WDR7: variants seen among roughly 807,000 people sequenced by gnomAD.
WDR7 encodes WD repeat-containing protein 7.
WDR7 carries 46 observed loss-of-function variants against 169.4 expected under a neutral mutation model. The ratio of observed to expected loss-of-function variants is 0.27; its 90% CI spans 0.21 to 0.35. The LOEUF (loss-of-function observed/expected upper bound fraction) is 0.35, where lower values mean the gene tolerates loss of function less well. Among genes scored for constraint, WDR7 ranks in the 10% least tolerant of loss-of-function variants. The pLI is 1.00. For synonymous variants in WDR7, 612 were observed against 666.8 expected (o/e 0.92, Z 1.27); for missense variants, 1,534 against 1,859.3 (o/e 0.83, Z 3.22).
chr18:56,792,763 TTAACAC>T (rs2044512384), intron 19 of WDR7, among the ~76,000 whole-genome samples: 1 of 136,486 alleles, frequency 7.3e-6, no homozygotes, highest in South Asian at 2.3e-4. Flanking sequence ...ATTATTTTCT[TTAACAC>T]ACACACACAC....
In WDR7 at chr18:56,800,696, A is replaced by C. The variant is rs562976629; in HGVS notation, c.3191-15335A>C. 1.9e-3 allele frequency among the ~76,000 whole-genome samples: 293 copies of C among 152,322 alleles called. 3 individuals are homozygous for C. Among genetic ancestry groups the C allele is most frequent in the African/African-American group, 6.7e-3 (278 of 41,572 alleles). ...CTTTTATAATGCCGGTTCATTGCTC[A>C]GATTATCCTGGCATTGGCCATAGGG... On this transcript the variant is annotated intron_variant, in intron 19 of 27. Coordinates refer to ENST00000254442, the MANE Select transcript of WDR7 (RefSeq NM_015285.3).
chr18:56,828,781 G>A lies in WDR7; in HGVS notation c.3304+12637G>A, dbSNP rs937734451. Among the ~76,000 whole-genome samples the A allele has an allele frequency of 5.3e-5, 8 of 152,228 alleles. 1 individual carries two copies. The South Asian group carries it at 8.3e-4, about 16-fold the overall frequency. ...CAGCAAAATTCAACTAAATGTGAGA[G>A]TAGAATATAGACAGTTTTAGAAATG... On this transcript the variant is annotated intron_variant, in intron 20 of 27. Coordinates refer to ENST00000254442, the MANE Select transcript of WDR7 (RefSeq NM_015285.3).
chr18:57,015,496 A>G (rs570512893), intron 26 of WDR7, among the ~76,000 whole-genome samples: 3 of 152,160 alleles, frequency 2.0e-5, no homozygotes, highest in Non-Finnish European at 4.4e-5. Flanking sequence ...CTCTTTTGAA[A>G]TGGCTCTTTT....
intron 26 of WDR7, among the ~76,000 whole-genome samples, chr18:56,991,753 A>G (rs1296334540): frequency 6.6e-6 from 1 of 152,228 alleles, no homozygotes; most frequent in African/African-American, 2.4e-5. Flanking sequence ...AGCCCAAGAT[A>G]TTATTTAAAT....
intron 13 of WDR7, among the ~76,000 whole-genome samples, chr18:56,729,318 T>C (rs1281807624): frequency 6.6e-6 from 1 of 152,180 alleles, no homozygotes; most frequent in South Asian, 2.1e-4. Context: ...AAACATAATA[T>C]GATATACATT....
At chr18:56,870,900 G>C (rs1456919358) in intron 20 of WDR7, among the ~76,000 whole-genome samples, 2 of 152,116 alleles carry the variant, frequency 1.3e-5, no homozygotes, top group East Asian at 3.8e-4. Context: ...ATTTTGATTG[G>C]ACACATTTCA....
At chr18:56,805,158 C>T (rs1179783837) in intron 19 of WDR7, among the ~76,000 whole-genome samples, 1 of 152,138 alleles carries the variant, frequency 6.6e-6, no homozygotes, top group African/African-American at 2.4e-5. Context: ...GTTCCTTAAT[C>T]CAGTTAAATT....
At chr18:56,780,524 T>C (rs1424445407) in intron 18 of WDR7, among the ~76,000 whole-genome samples, 1 of 152,162 alleles carries the variant, frequency 6.6e-6, no homozygotes, top group Non-Finnish European at 1.5e-5. Context: ...TTTTCAATTA[T>C]AAAGAGTTAA....
At chr18:56,758,040 G>C (rs953504059) in intron 15 of WDR7, among the ~76,000 whole-genome samples, 2 of 152,058 alleles carry the variant, frequency 1.3e-5, no homozygotes, top group Non-Finnish European at 2.9e-5. Flanking sequence ...GACGTGTTCA[G>C]AGATTTGGCT....
At chr18:56,723,107 C>T (rs550934075) in intron 13 of WDR7, among the ~76,000 whole-genome samples, 138 of 152,230 alleles carry the variant, frequency 9.1e-4, no homozygotes, top group Middle Eastern at 3.4e-3. Context: ...ACCAGTTGCT[C>T]TAGTCAATAA....
At chr18:56,856,215 A>G (rs1323886890) in intron 20 of WDR7, among the ~76,000 whole-genome samples, 1 of 152,196 alleles carries the variant, frequency 6.6e-6, no homozygotes, top group Non-Finnish European at 1.5e-5. Context: ...TCTACAGAAG[A>G]AATCAACTTC....
At chr18:56,687,661 C>G (rs968152835) in intron 7 of WDR7, among the ~76,000 whole-genome samples, 2 of 152,098 alleles carry the variant, frequency 1.3e-5, no homozygotes, top group Admixed American at 6.5e-5. Flanking sequence ...TGGTCTCATT[C>G]TGTAGCCCAG....
chr18:56,737,936 A>G (rs1225857126), intron 14 of WDR7, among the ~76,000 whole-genome samples: 1 of 152,214 alleles, frequency 6.6e-6, no homozygotes, highest in Non-Finnish European at 1.5e-5. Context: ...ATATTTTAAT[A>G]GAAAATATGA....
intron 16 of WDR7, among the ~76,000 whole-genome samples, chr18:56,771,056 C>G (rs775933803): frequency 6.6e-6 from 1 of 152,144 alleles, no homozygotes; most frequent in Non-Finnish European, 1.5e-5. Context: ...ACAACTGACC[C>G]AAACAATTAT....
At chr18:56,784,402 C>T (rs1005225200) in intron 19 of WDR7, among the ~76,000 whole-genome samples, 6 of 152,166 alleles carry the variant, frequency 3.9e-5, no homozygotes, top group South Asian at 2.1e-4. Context: ...ATACCCAATA[C>T]GTAGCTTTTT....
intron 26 of WDR7, among the ~76,000 whole-genome samples, chr18:56,971,497 A>T (rs1023812586): frequency 1.3e-5 from 2 of 152,150 alleles, no homozygotes; most frequent in African/African-American, 4.8e-5. Context: ...CAGGGAACAT[A>T]ATTTGGTATA....
chr18:56,825,883 T>C (rs2045193805), intron 20 of WDR7, among the ~76,000 whole-genome samples: 1 of 152,186 alleles, frequency 6.6e-6, no homozygotes, highest in Non-Finnish European at 1.5e-5. Flanking sequence ...CTACCTCGTG[T>C]TCATATAAAA....
chr18:56,747,254 G>C (rs887592077), intron 14 of WDR7, among the ~76,000 whole-genome samples: 2 of 152,178 alleles, frequency 1.3e-5, no homozygotes, highest in African/African-American at 4.8e-5. Flanking sequence ...CCATTGACTT[G>C]CTGTGTGACC....
chr18:56,755,749 G>A (rs2043875673), intron 14 of WDR7, among the ~76,000 whole-genome samples: 1 of 152,132 alleles, frequency 6.6e-6, no homozygotes, highest in Non-Finnish European at 1.5e-5. Context: ...GAGTTATCAG[G>A]GCAGCTGCCT....
Sources: gnomAD v4.1 joint callset for allele counts (sites outside exome capture counted in the v4.1 genomes callset) on GRCh38, gnomAD v4.1.1 for gene constraint, MANE v1.5 for transcripts, NCBI Gene and HGNC (gene_info 2026-07-23, HGNC 2026-07-21) for gene names.